The following MAGI1 variants were observed in gnomAD, a reference collection of about 807,000 sequenced individuals.
MAGI1 encodes the protein membrane associated guanylate kinase, WW and PDZ domain containing 1.
A neutral mutation model predicts 139.9 loss-of-function variants in MAGI1; 58 were observed. The observed-to-expected ratio is 0.41, with a 90% CI of 0.34 to 0.52. MAGI1 has a LOEUF of 0.52. MAGI1 is among the 20% of genes least tolerant of loss of function. MAGI1 has a pLI of 0.12. For missense variants in MAGI1, 1,874 were observed against 1,901.6 expected (o/e 0.99, Z 0.27); for synonymous variants, 812 against 737.9 (o/e 1.10, Z -1.63).
chr3:65,975,477 C>T (rs1029710028), intron 1 of MAGI1, among the ~76,000 whole-genome samples: 4 of 151,882 alleles, frequency 2.6e-5, no homozygotes, highest in Non-Finnish European at 5.9e-5. Context: ...GTTTTTAGGC[C>T]GGGCACAGTG....
chr3:65,685,652 A>T (rs985160303), intron 1 of MAGI1, among the ~76,000 whole-genome samples: 3 of 152,206 alleles, frequency 2.0e-5, no homozygotes, highest in African/African-American at 7.2e-5. Flanking sequence ...CAATCAATAA[A>T]ACTCACCCTA....
At chr3:65,846,444 T>C (rs1166559407) in intron 1 of MAGI1, among the ~76,000 whole-genome samples, 1 of 152,232 alleles carries the variant, frequency 6.6e-6, no homozygotes, top group East Asian at 1.9e-4. Context: ...ACTTAGCTAC[T>C]CTAACCACAC....
intron 2 of MAGI1, among the ~76,000 whole-genome samples, chr3:65,543,608 G>C (rs1242524889): frequency 6.6e-6 from 1 of 152,150 alleles, no homozygotes; most frequent in African/African-American, 2.4e-5. Flanking sequence ...GCAGACACAT[G>C]GATGAAGCTG....
intron 1 of MAGI1, among the ~76,000 whole-genome samples, chr3:65,683,657 GAT>G (rs377247002): frequency 4.6e-5 from 4 of 86,376 alleles, no homozygotes; most frequent in Admixed American, 2.7e-4. Context: ...GACTGAATAG[GAT>G]ATATATATAT....
chr3:65,623,504 C>CT (rs1404840279), intron 1 of MAGI1, among the ~76,000 whole-genome samples: 1 of 152,140 alleles, frequency 6.6e-6, no homozygotes, highest in East Asian at 1.9e-4. Context: ...TCAATGACAG[C>CT]TAAAAATAAC....
chr3:65,356,279 G>T lies in MAGI1; in HGVS notation c.*99C>A. ...GTTGTTATTCATAGGATCATCAGGT[G>T]TCAGATGCTTCATTAGGTAAGAAAC... On this transcript the variant is annotated 3_prime_UTR_variant, in exon 23 of 23. Coordinates refer to ENST00000402939, the MANE Select transcript of MAGI1 (RefSeq NM_001033057.2). 2 of 1,191,922 alleles carry T rather than the reference G, an allele frequency of 1.7e-6. No individual in the cohort carries two copies. The highest frequency in any genetic ancestry group is 2.3e-6 in the Non-Finnish European group (2 of 868,720). The allele number at this position is 1,191,922 out of a possible 1,614,324, so 73.8% of individuals were successfully genotyped here.
intron 1 of MAGI1, among the ~76,000 whole-genome samples, chr3:65,777,849 GATTAA>G (rs775131350): frequency 2.0e-5 from 3 of 152,096 alleles, no homozygotes; most frequent in African/African-American, 4.8e-5. Flanking sequence ...TTCTGTGAAA[GATTAA>G]ATTAAATTAT....
chr3:65,479,192 T>A (rs1328349989), intron 3 of MAGI1, among the ~76,000 whole-genome samples: 2 of 152,198 alleles, frequency 1.3e-5, no homozygotes, highest in Non-Finnish European at 2.9e-5. Context: ...ACTGCCGGCA[T>A]CCTTACAGGC....
chr3:65,409,145 C>G (rs1354472394), intron 12 of MAGI1, among the ~76,000 whole-genome samples: 1 of 152,206 alleles, frequency 6.6e-6, no homozygotes, highest in Non-Finnish European at 1.5e-5. Context: ...ATTTATTGAG[C>G]TCTGCCATAT....
At chr3:65,841,701 C>T (rs1468686576) in intron 1 of MAGI1, among the ~76,000 whole-genome samples, 1 of 152,142 alleles carries the variant, frequency 6.6e-6, no homozygotes, top group Admixed American at 6.5e-5. Context: ...GCTGGGATTA[C>T]AGGCATGAGC....
intron 1 of MAGI1, among the ~76,000 whole-genome samples, chr3:65,628,616 G>C (rs1476811960): frequency 1.3e-5 from 2 of 151,990 alleles, no homozygotes; most frequent in African/African-American, 4.8e-5. Context: ...GATAGCATTT[G>C]GGCATGCAGT....
intron 1 of MAGI1, among the ~76,000 whole-genome samples, chr3:65,878,231 A>C (rs986168537): frequency 6.6e-6 from 1 of 152,098 alleles, no homozygotes; most frequent in African/African-American, 2.4e-5. Flanking sequence ...AAGAATGCAG[A>C]CTTGGCCGGG....
At chr3:65,706,239 C>T (rs1229153115) in intron 1 of MAGI1, among the ~76,000 whole-genome samples, 2 of 152,204 alleles carry the variant, frequency 1.3e-5, no homozygotes, top group African/African-American at 2.4e-5. Context: ...CAAATTGATG[C>T]TTCTGTCTGA....
At chr3:65,677,331 G>T (rs1028055111) in intron 1 of MAGI1, among the ~76,000 whole-genome samples, 3 of 152,150 alleles carry the variant, frequency 2.0e-5, no homozygotes, top group Non-Finnish European at 4.4e-5. Context: ...ATAGAGCAAG[G>T]TGGAGATGGG....
chr3:65,677,316 G>A (rs539284402), intron 1 of MAGI1, among the ~76,000 whole-genome samples: 2 of 152,252 alleles, frequency 1.3e-5, no homozygotes, highest in South Asian at 4.1e-4. Context: ...GGTCAAGGCA[G>A]GGGTATAGAG....
intron 1 of MAGI1, among the ~76,000 whole-genome samples, chr3:65,847,336 C>A (rs766800334): frequency 6.6e-6 from 1 of 151,938 alleles, no homozygotes; most frequent in Non-Finnish European, 1.5e-5. Flanking sequence ...ATGGAAATAC[C>A]CTAGCTAGGT....
At chr3:65,509,019 C>T (rs1256020369) in intron 2 of MAGI1, among the ~76,000 whole-genome samples, 1 of 152,158 alleles carries the variant, frequency 6.6e-6, no homozygotes, top group Non-Finnish European at 1.5e-5. Context: ...GATCCTGGAG[C>T]TCTTACAAGA....
intron 1 of MAGI1, among the ~76,000 whole-genome samples, chr3:65,686,079 T>C (rs1279957761): frequency 1.3e-5 from 2 of 152,190 alleles, no homozygotes; most frequent in Non-Finnish European, 2.9e-5. Flanking sequence ...TGTACGGCTC[T>C]GCTGTCATGT....
At chr3:65,847,069 C>T (rs550232945) in intron 1 of MAGI1, among the ~76,000 whole-genome samples, 6 of 149,924 alleles carry the variant, frequency 4.0e-5, no homozygotes, top group East Asian at 3.9e-4. Flanking sequence ...CCCTGAAGTT[C>T]GGTACTTATG....
Sources: allele counts gnomAD v4.1 joint callset (sites outside exome capture counted in the v4.1 genomes callset), GRCh38; gene constraint gnomAD v4.1.1; transcripts MANE v1.5; gene names NCBI Gene and HGNC (gene_info 2026-07-23, HGNC 2026-07-21).